Variants in ABTB3 observed in about 807,000 individuals in gnomAD.
The protein encoded by ABTB3 is ankyrin repeat- and BTB/POZ domain-containing protein 3.
the ABTB3 span, among the ~76,000 whole-genome samples, chr12:107,371,333 C>A: frequency 6.6e-6 from 1 of 152,128 alleles, no homozygotes; most frequent in Non-Finnish European, 1.5e-5. Flanking sequence ...TCTGTCTAGT[C>A]CCTGGGAAGG....
At chr12:107,530,276 C>G in the ABTB3 span, among the ~76,000 whole-genome samples, 3 of 152,288 alleles carry the variant, frequency 2.0e-5, no homozygotes, top group East Asian at 5.8e-4. Flanking sequence ...CTTCTCTTCT[C>G]CACTTCCTTT....
chr12:107,581,592 C>A, the ABTB3 span, among the ~76,000 whole-genome samples: 1 of 152,198 alleles, frequency 6.6e-6, no homozygotes, highest in African/African-American at 2.4e-5. Context: ...CTAGCTTCTC[C>A]CTCTCTTTCT....
the ABTB3 span, chr12:107,544,108 G>A: frequency 1.2e-6 from 2 of 1,613,956 alleles, no homozygotes; most frequent in Admixed American, 1.7e-5. Context: ...CCCCAACGTG[G>A]AGCCTTCCAA....
At chr12:107,511,518 T>C in the ABTB3 span, among the ~76,000 whole-genome samples, 78 of 152,060 alleles carry the variant, frequency 5.1e-4, no homozygotes, top group East Asian at 0.015. Flanking sequence ...CCTTGGCTCT[T>C]CTCCATGTGT....
the ABTB3 span, among the ~76,000 whole-genome samples, chr12:107,622,676 G>T: frequency 6.6e-6 from 1 of 152,250 alleles, no homozygotes; most frequent in East Asian, 1.9e-4. Context: ...GTTTCACCAT[G>T]TTGGCCAGGG....
chr12:107,333,065 C>T, the ABTB3 span, among the ~76,000 whole-genome samples: 1 of 152,212 alleles, frequency 6.6e-6, no homozygotes, highest in Non-Finnish European at 1.5e-5. Flanking sequence ...ACAAGGGGAG[C>T]TGCTTCTTGA....
At chr12:107,592,820 C>T in the ABTB3 span, among the ~76,000 whole-genome samples, 1 of 152,036 alleles carries the variant, frequency 6.6e-6, no homozygotes, top group Non-Finnish European at 1.5e-5. Context: ...GTGCAGGGGC[C>T]TTTGTGTTTG....
chr12:107,360,124 C>A, the ABTB3 span, among the ~76,000 whole-genome samples: 3 of 152,140 alleles, frequency 2.0e-5, no homozygotes, highest in African/African-American at 7.2e-5. Context: ...AGTCACATAA[C>A]TAAATAGTTG....
the ABTB3 span, among the ~76,000 whole-genome samples, chr12:107,503,990 C>T: frequency 6.6e-6 from 1 of 152,098 alleles, no homozygotes; most frequent in African/African-American, 2.4e-5. Flanking sequence ...CAGAAGCATC[C>T]TTATCTTTCT....
At chr12:107,350,979 A>G in the ABTB3 span, among the ~76,000 whole-genome samples, 2 of 152,302 alleles carry the variant, frequency 1.3e-5, no homozygotes, top group South Asian at 2.1e-4. Flanking sequence ...CCATTGTGCC[A>G]TAGTGCTGGA....
the ABTB3 span, among the ~76,000 whole-genome samples, chr12:107,493,436 A>C: frequency 2.0e-5 from 3 of 152,200 alleles, no homozygotes; most frequent in East Asian, 5.8e-4. Flanking sequence ...CGGAGCTTGC[A>C]TCTATCCAAA....
At chr12:107,363,302 C>G in the ABTB3 span, among the ~76,000 whole-genome samples, 1 of 152,208 alleles carries the variant, frequency 6.6e-6, no homozygotes, top group African/African-American at 2.4e-5. Context: ...TGACAAGTGT[C>G]CTTGCTTCTT....
At chr12:107,367,423 T>G in the ABTB3 span, among the ~76,000 whole-genome samples, 1 of 152,208 alleles carries the variant, frequency 6.6e-6, no homozygotes, top group African/African-American at 2.4e-5. Flanking sequence ...GTTGAATTAT[T>G]CATACTCAGA....
the ABTB3 span, among the ~76,000 whole-genome samples, chr12:107,386,499 T>A: frequency 6.6e-6 from 1 of 152,214 alleles, no homozygotes; most frequent in Non-Finnish European, 1.5e-5. Flanking sequence ...CCTTTATAAC[T>A]GTAAAGCCGT....
At chr12:107,611,636 T>G in the ABTB3 span, among the ~76,000 whole-genome samples, 1 of 152,256 alleles carries the variant, frequency 6.6e-6, no homozygotes, top group Admixed American at 6.5e-5. Flanking sequence ...TTCAAATCTG[T>G]GATTATTTCA....
the ABTB3 span, among the ~76,000 whole-genome samples, chr12:107,592,130 C>A: frequency 6.6e-6 from 1 of 152,186 alleles, no homozygotes; most frequent in Non-Finnish European, 1.5e-5. Flanking sequence ...TGCCAAAACT[C>A]CCTGTGAAGA....
the ABTB3 span, among the ~76,000 whole-genome samples, chr12:107,442,507 C>T: frequency 6.6e-6 from 1 of 152,150 alleles, no homozygotes; most frequent in Non-Finnish European, 1.5e-5. Flanking sequence ...ATCTTGACAT[C>T]GGATGGCTTT....
chr12:107,606,634 C>T, the ABTB3 span, among the ~76,000 whole-genome samples: 3 of 152,134 alleles, frequency 2.0e-5, no homozygotes, highest in Non-Finnish European at 4.4e-5. Context: ...TCAGAAGGAA[C>T]TTAGACAAAA....
At chr12:107,459,943 G>A in the ABTB3 span, among the ~76,000 whole-genome samples, 5 of 152,316 alleles carry the variant, frequency 3.3e-5, no homozygotes, top group Admixed American at 6.5e-5. Flanking sequence ...AAAGCAGCCA[G>A]GGGGGCAGGG....
Sources: gnomAD v4.1 joint callset for allele counts (sites outside exome capture counted in the v4.1 genomes callset) on GRCh38, gnomAD v4.1.1 for gene constraint, MANE v1.5 for transcripts, NCBI Gene and HGNC (gene_info 2026-07-23, HGNC 2026-07-21) for gene names.